NLRC5: variants seen among roughly 807,000 people sequenced by gnomAD.
NLRC5 encodes the protein protein NLRC5.
Under a neutral mutation model 206.9 loss-of-function variants are expected in NLRC5, and 114 were observed. The ratio of observed to expected loss-of-function variants is 0.55; its 90% confidence interval spans 0.47 to 0.64. The LOEUF (loss-of-function observed/expected upper bound fraction) is 0.64, where lower values mean the gene tolerates loss of function less well. Among genes scored for constraint, NLRC5 ranks in the 30% least tolerant of loss-of-function variants. The probability of loss-of-function intolerance (pLI) is 0.00; values close to 1 mark genes in which losing one functional copy is unlikely to be tolerated. For missense variants in NLRC5, 2,008 were observed against 2,305.5 expected (o/e 0.87, Z 2.64); for synonymous variants, 952 against 962.8 (o/e 0.99, Z 0.21).
At chr16:57,038,892 G>A (rs1567581498) in intron 15 of NLRC5, among the ~76,000 whole-genome samples, 1 of 148,930 alleles carries the variant, frequency 6.7e-6, no homozygotes, top group Non-Finnish European at 1.5e-5. Flanking sequence ...CCGAGATCAT[G>A]CCACTGCACT....
At chr16:57,065,586 G>GC (rs2066993941) in intron 33 of NLRC5, among the ~76,000 whole-genome samples, 1 of 152,136 alleles carries the variant, frequency 6.6e-6, no homozygotes, top group African/African-American at 2.4e-5. Context: ...CTTGGAAGTG[G>GC]CCCCCCAGAT....
At chr16:57,078,961 G>A (rs761153521) in intron 43 of NLRC5, 89 bp from the exon 44 acceptor site, 31 of 1,155,776 alleles carry the variant, frequency 2.7e-5, no homozygotes, top group Non-Finnish European at 4.0e-5. Context: ...CTGTCTACGG[G>A]CTGGCACTGC....
At chr16:57,061,194 G>T (rs2066431981) in intron 30 of NLRC5, among the ~76,000 whole-genome samples, 1 of 152,240 alleles carries the variant, frequency 6.6e-6, no homozygotes, top group Non-Finnish European at 1.5e-5. Context: ...CTGGCACAGT[G>T]CCTGACCTAG....
At chr16:57,049,805 G>A (rs2064606865) in intron 23 of NLRC5, among the ~76,000 whole-genome samples, 1 of 152,130 alleles carries the variant, frequency 6.6e-6, no homozygotes, top group African/African-American at 2.4e-5. Flanking sequence ...TCTGAGCACA[G>A]GTGGGAGTTT....
intron 30 of NLRC5, 91 bp from the exon 31 acceptor site, chr16:57,061,357 C>T (rs535733810): frequency 2.3e-6 from 3 of 1,289,304 alleles, no homozygotes; most frequent in South Asian, 2.6e-5. Flanking sequence ...GTGGGATGCT[C>T]CCCCAATAGG....
At chr16:57,043,423 C>A in intron 19 of NLRC5, 92 bp from the exon 20 acceptor site, 2 of 975,722 alleles carry the variant, frequency 2.0e-6, no homozygotes, top group East Asian at 2.4e-5. Flanking sequence ...CATCTGGAAC[C>A]AGGGATCCCT....
chr16:57,059,062 G>C lies in NLRC5; in HGVS notation c.3920+1G>C. Reference sequence around the variant, plus strand: ...CACGTGTCCGGGAGGCCTCAGTGAAGTAAGGGGATGTTGGTCCCCGAAAAG... The same window carrying C: ...CACGTGTCCGGGAGGCCTCAGTGAACTAAGGGGATGTTGGTCCCCGAAAAG... On this transcript the variant is annotated splice_donor_variant, in intron 29 of 48. Transcript: ENST00000688547. LOFTEE classifies it high-confidence loss of function. The C allele has an allele frequency of 1.2e-6, 2 of 1,613,986 alleles. No homozygotes were observed. The highest frequency in any genetic ancestry group is 2.2e-5 in the South Asian group (2 of 91,074).
intron 11 of NLRC5, among the ~76,000 whole-genome samples, chr16:57,032,640 G>A (rs574214765): frequency 1.3e-5 from 2 of 152,122 alleles, no homozygotes; most frequent in Admixed American, 1.3e-4. Flanking sequence ...AGTGGCCATA[G>A]GTGGCTAGTG....
chr16:57,067,434 A>G lies in NLRC5; in HGVS notation c.4370A>G (p.Gln1457Arg). The G allele has an allele frequency of 6.2e-7, 1 of 1,614,224 alleles. No individual in the cohort carries two copies. ...LGAHHSLLVG[Q>R]LMETCARLQQ... Reference sequence around the variant, plus strand: ...GCCCACCACAGCCTTCTTGTCGGGCAGCTGATGGAGACATGTGCCAGGCTG... The same window carrying G: ...GCCCACCACAGCCTTCTTGTCGGGCGGCTGATGGAGACATGTGCCAGGCTG... Residue 1457 changes from glutamine to arginine, a missense_variant, in exon 35 of 49, where the codon CAG becomes CGG. By Grantham distance (43) the Gln-to-Arg change is conservative (BLOSUM62 1). Coordinates refer to ENST00000688547, the MANE Select transcript of NLRC5 (RefSeq NM_001384950.1).
intron 1 of NLRC5, among the ~76,000 whole-genome samples, chr16:57,000,346 A>T (rs1335831227): frequency 6.6e-6 from 1 of 152,044 alleles, no homozygotes; most frequent in African/African-American, 2.4e-5. Flanking sequence ...TTAGCATAGG[A>T]AGGTGGCTGG....
chr16:57,081,233 C>CG lies in NLRC5; in HGVS notation c.5405+55dup, dbSNP rs1567655114. On this transcript the variant is annotated intron_variant, in intron 47 of 48. Transcript: ENST00000688547. ...ACGGGCTAAAGGGGGACCTACATCC[C>CG]GGGAACACCAAGAGGCCACTGGGTC... 6 of 1,503,558 alleles carry CG rather than the reference C, an allele frequency of 4.0e-6. No individual in the cohort carries two copies. The Admixed American group carries it at 1.2e-4, about 30-fold the overall frequency. The allele number at this position is 1,503,558 out of a possible 1,614,324, so 93.1% of individuals were successfully genotyped here. A position where few individuals can be genotyped will look rare whatever the true frequency, so the allele number is the denominator to read the frequency against.
intron 23 of NLRC5, among the ~76,000 whole-genome samples, chr16:57,051,178 C>T (rs2064848500): frequency 6.6e-6 from 1 of 152,158 alleles, no homozygotes; most frequent in Non-Finnish European, 1.5e-5. Flanking sequence ...TCTTAACAAA[C>T]ATGTTTTGCG....
chr16:57,025,289 C>T (rs754910950), intron 5 of NLRC5, 79 bp from the exon 6 acceptor site: 34 of 1,489,962 alleles, frequency 2.3e-5, no homozygotes, highest in Non-Finnish European at 3.0e-5. Context: ...AGGCTCCCAA[C>T]AGCCCAATAC....
At chr16:57,060,956 G>C (rs1437800039) in intron 30 of NLRC5, among the ~76,000 whole-genome samples, 1 of 152,234 alleles carries the variant, frequency 6.6e-6, no homozygotes, top group Admixed American at 6.5e-5. Flanking sequence ...AGAATCCCAG[G>C]CACACCTCCC....
At chr16:57,081,297 C>A in intron 47 of NLRC5, 116 bp downstream of exon 47, 1 of 1,096,184 alleles carries the variant, frequency 9.1e-7, no homozygotes, top group Non-Finnish European at 1.3e-6. Flanking sequence ...TTGAGTTGCA[C>A]ACTCTGGCCT....
intron 24 of NLRC5, among the ~76,000 whole-genome samples, chr16:57,054,418 C>T (rs1310022821): frequency 4.6e-5 from 7 of 152,164 alleles, no homozygotes; most frequent in Admixed American, 3.3e-4. Flanking sequence ...ACAGCAAGCA[C>T]AGGTCCCATG....
At chr16:57,034,515 A>G (rs2062279945) in intron 13 of NLRC5, 2 of 421,728 alleles carry the variant, frequency 4.7e-6, no homozygotes, top group Non-Finnish European at 8.5e-6. Flanking sequence ...TTTATAGAGG[A>G]GGAAGTTAAG....
chr16:56,999,887 C>T (rs1221805141), intron 1 of NLRC5, among the ~76,000 whole-genome samples: 1 of 152,226 alleles, frequency 6.6e-6, no homozygotes, highest in East Asian at 1.9e-4. Flanking sequence ...GAGTGGAGAG[C>T]TGGGTGCCAC....
chr16:57,025,658 C>T lies in NLRC5; in HGVS notation c.715C>T (p.His239Tyr), dbSNP rs752708166. The change falls in exon 6 of 49, where the codon CAC (histidine) becomes TAC (tyrosine). Residue 239 changes from histidine to tyrosine, a missense_variant. His to Tyr is a moderately conservative substitution (Grantham distance 83, BLOSUM62 2). Transcript: ENST00000688547. ...KAGMGKTTLAHRLCQKWAEGH... is the reference protein window; with the variant it reads ...KAGMGKTTLAYRLCQKWAEGH... Reference sequence around the variant, plus strand: ...TGGCATGGGCAAGACCACGCTGGCCCACCGGCTCTGCCAGAAGTGGGCAGA... The same window carrying T: ...TGGCATGGGCAAGACCACGCTGGCCTACCGGCTCTGCCAGAAGTGGGCAGA... 1 of 1,614,126 alleles carries T rather than the reference C, an allele frequency of 6.2e-7. No homozygotes were observed. The highest frequency in any genetic ancestry group is 2.2e-5 in the East Asian group (1 of 44,864).
Sources: allele counts gnomAD v4.1 joint callset (sites outside exome capture counted in the v4.1 genomes callset), GRCh38; gene constraint gnomAD v4.1.1; transcripts MANE v1.5; gene names NCBI Gene and HGNC (gene_info 2026-07-23, HGNC 2026-07-21).